The following PSD3 variants were observed in gnomAD, a reference collection of about 807,000 sequenced individuals.
The protein encoded by PSD3 is PH and SEC7 domain-containing protein 3.
PSD3 carries 49 observed loss-of-function variants against 105.5 expected under a neutral mutation model. That is an observed-to-expected ratio of 0.46 (90% CI 0.37 to 0.59). The LOEUF (loss-of-function observed/expected upper bound fraction) is 0.59. PSD3 is among the 20% of genes least tolerant of loss of function. PSD3 has a pLI of 0.00. For synonymous variants in PSD3, 557 were observed against 457.8 expected (o/e 1.22, Z -2.77); for missense variants, 1,561 against 1,263.8 (o/e 1.24, Z -3.57).
chr8:18,784,256 C>G (rs1025426863), intron 8 of PSD3, among the ~76,000 whole-genome samples: 2 of 152,086 alleles, frequency 1.3e-5, no homozygotes, highest in Non-Finnish European at 2.9e-5. Context: ...ATATACGGTG[C>G]TAATTTCTCA....
rs1220347663 is a variant in PSD3, at chr8:18,752,580, T to C, written c.2172+12869A>G. Among the ~76,000 whole-genome samples the C allele has an allele frequency of 1.4e-4, 11 of 76,636 alleles. 1 individual carries two copies. The highest frequency in any genetic ancestry group is 7.9e-4 in the East Asian group (2 of 2,540). 50.3% of individuals were successfully genotyped at this position (76,636 alleles called of 152,430 possible). A position where few individuals can be genotyped will look rare whatever the true frequency, so the allele number is the denominator to read the frequency against. On this transcript the variant is annotated intron_variant, in intron 9 of 15. Transcript: ENST00000327040. ...ATTATATATATTATATATATAATTA[T>C]ATATATTATATATTATATATTATAT...
At chr8:19,044,642 A>T (rs1308205705) in intron 1 of PSD3, among the ~76,000 whole-genome samples, 1 of 152,182 alleles carries the variant, frequency 6.6e-6, no homozygotes, top group Non-Finnish European at 1.5e-5. Flanking sequence ...ACGCCAGGTA[A>T]TTGTTTCTAG....
intron 14 of PSD3, among the ~76,000 whole-genome samples, chr8:18,565,616 T>C (rs1801690354): frequency 6.6e-6 from 1 of 152,224 alleles, no homozygotes; most frequent in African/African-American, 2.4e-5. Context: ...CCACACTGTT[T>C]ATCTTTCTTT....
In PSD3 at chr8:18,801,324, T is replaced by G; in HGVS notation, c.1969A>C (p.Ile657Leu). The G allele has an allele frequency of 2.5e-6, 4 of 1,608,776 alleles. No homozygotes were observed. Among genetic ancestry groups the G allele is most frequent in the Non-Finnish European group, 3.4e-6 (4 of 1,176,166 alleles). ...TAAAAATATCTATTGGAGAAGTGTATTAAAACTCTCTCTCGTTCTTGAGTT... is the reference window on the plus strand; with the variant it reads ...TAAAAATATCTATTGGAGAAGTGTAGTAAAACTCTCTCTCGTTCTTGAGTT... ...GETQERERVL[I>L]HFSNRYFYCN... Residue 657 changes from isoleucine to leucine, a missense_variant, in exon 7 of 16, where the codon ATA becomes CTA. Coordinates refer to ENST00000327040, the MANE Select transcript of PSD3 (RefSeq NM_015310.4).
In PSD3 at chr8:19,022,941, T is replaced by C. The variant is rs759452326; in HGVS notation, c.324+61265A>G. ...GGACGTACTTTGCTGTGTATTACAC[T>C]GTCACCTCAGTAGCACCCAAGACAG... On this transcript the variant is annotated intron_variant, in intron 1 of 1. Coordinates refer to the PSD3 transcript ENST00000521475. Among the ~76,000 whole-genome samples, 15 of 151,846 alleles carry C rather than the reference T, an allele frequency of 9.9e-5. 1 individual carries two copies. Among genetic ancestry groups the C allele is most frequent in the Admixed American group, 2.0e-4 (3 of 15,220 alleles).
intron 1 of PSD3, among the ~76,000 whole-genome samples, chr8:18,942,111 G>A (rs73584611): frequency 0.1 from 15,872 of 152,158 alleles, 1,355 homozygotes; most frequent in East Asian, 0.35. Flanking sequence ...GAGGAGTGAG[G>A]AGGGAGAAAA....
In PSD3 at chr8:18,562,887, T is replaced by C. The variant is rs543858199; in HGVS notation, c.2785-6535A>G. 2.9e-5 allele frequency among the ~76,000 whole-genome samples: 4 copies of C among 140,146 alleles called. No homozygotes were observed. In the East Asian group the frequency reaches 6.3e-4, roughly 22 times the overall value. The allele number at this position is 140,146 out of a possible 152,430, so 91.9% of individuals were successfully genotyped here. ...CTGGGCGACAGAGTGAGACTCTGTC[T>C]AGATAAAGAAAAAGAAAAAGAAAAA... On this transcript the variant is annotated intron_variant, in intron 14 of 15. Transcript: ENST00000327040.
At chr8:18,658,205 T>C (rs931332088) in intron 9 of PSD3, among the ~76,000 whole-genome samples, 14 of 152,242 alleles carry the variant, frequency 9.2e-5, no homozygotes, top group African/African-American at 2.7e-4. Flanking sequence ...TTCTTTTCAA[T>C]TGCAAAATTG....
At chr8:19,016,723 C>G (rs1827189932), upstream of PSD3, among the ~76,000 whole-genome samples, 2 of 152,206 alleles carry the variant, frequency 1.3e-5, no homozygotes. Flanking sequence ...GAATCTCTCA[C>G]AGTTCTGGAG....
intron 9 of PSD3, among the ~76,000 whole-genome samples, chr8:18,676,171 A>G (rs1800053885): frequency 6.6e-6 from 1 of 152,160 alleles, no homozygotes; most frequent in African/African-American, 2.4e-5. Context: ...ATATTACACT[A>G]AGCTTGCCAG....
chr8:18,609,546 G>GAT (rs1426023982), intron 11 of PSD3, among the ~76,000 whole-genome samples: 2 of 152,186 alleles, frequency 1.3e-5, no homozygotes, highest in Non-Finnish European at 2.9e-5. Context: ...TTTTCTCAGT[G>GAT]ATAGAACTAA....
At chr8:18,857,517 T>C (rs928856409) in intron 4 of PSD3, among the ~76,000 whole-genome samples, 1 of 152,152 alleles carries the variant, frequency 6.6e-6, no homozygotes, top group South Asian at 2.1e-4. Flanking sequence ...CTCTAACAAA[T>C]AGAATCTCTG....
intron 4 of PSD3, among the ~76,000 whole-genome samples, chr8:18,807,897 A>C (rs890873742): frequency 1.3e-5 from 2 of 152,170 alleles, no homozygotes; most frequent in East Asian, 3.9e-4. Flanking sequence ...TTAGCCCAGG[A>C]GTTTGAGACC....
chr8:18,660,678 C>T (rs17644564), intron 9 of PSD3, among the ~76,000 whole-genome samples: 3,621 of 152,202 alleles, frequency 0.024, 110 homozygotes, highest in East Asian at 0.13. Flanking sequence ...GCTCCTTGGA[C>T]GAGGAAACTG....
intron 11 of PSD3, among the ~76,000 whole-genome samples, chr8:18,613,385 G>A (rs1347557932): frequency 1.3e-5 from 2 of 152,092 alleles, no homozygotes; most frequent in African/African-American, 4.8e-5. Context: ...GTGGTAAGGT[G>A]GGATTTAATC....
chr8:18,716,697 A>G (rs770858455), intron 9 of PSD3, among the ~76,000 whole-genome samples: 1 of 152,226 alleles, frequency 6.6e-6, no homozygotes, highest in Non-Finnish European at 1.5e-5. Context: ...ACATGTTCTG[A>G]ATAACCTTTC....
intron 2 of PSD3, among the ~76,000 whole-genome samples, chr8:18,882,459 CAA>C (rs2129458765): frequency 6.6e-6 from 1 of 152,210 alleles, no homozygotes; most frequent in African/African-American, 2.4e-5. Context: ...GGGCAACAAA[CAA>C]GAGCAACTTG....
In PSD3 at chr8:19,013,442, C is replaced by T. The variant is rs114662194; in HGVS notation, c.21+121G>A. ...TCGCACCCTGCACCTATCCAGACAG[C>T]ACAAACCCAGGTGGCCCCGGGATCC... On this transcript the variant is annotated intron_variant, in intron 1 of 15. Transcript: ENST00000327040. The T allele has an allele frequency of 1.3e-3, 1,811 of 1,402,016 alleles. 30 individuals carry two copies. In the African/African-American group the frequency reaches 0.024, roughly 19 times the overall value. The allele number at this position is 1,402,016 out of a possible 1,614,324, so 86.8% of individuals were successfully genotyped here.
upstream of PSD3, among the ~76,000 whole-genome samples, chr8:19,015,328 C>A (rs148155783): frequency 6.6e-6 from 1 of 152,178 alleles, no homozygotes; most frequent in Admixed American, 6.5e-5. Flanking sequence ...TCCAATAAAC[C>A]TCTTTCATTT....
Sources: gnomAD v4.1 joint callset for allele counts (sites outside exome capture counted in the v4.1 genomes callset) on GRCh38, gnomAD v4.1.1 for gene constraint, MANE v1.5 for transcripts, NCBI Gene and HGNC (gene_info 2026-07-23, HGNC 2026-07-21) for gene names.